The following SHROOM2 variants were observed in gnomAD, a reference collection of about 807,000 sequenced individuals.
SHROOM2 encodes shroom family member 2, also known as protein Shroom2.
Under a neutral mutation model 75.9 loss-of-function variants are expected in SHROOM2, and 33 were observed. The observed-to-expected ratio is 0.43, with a 90% CI of 0.33 to 0.58. SHROOM2 has a LOEUF of 0.58. Ranked by LOEUF, SHROOM2 falls within the 20% of genes least tolerant of loss-of-function variation. The pLI is 0.04. For missense variants in SHROOM2, 1,434 were observed against 1,461.2 expected, an observed-to-expected ratio of 0.98 and a Z score of 0.30; for synonymous variants, 655 against 663.6, an observed-to-expected ratio of 0.99 and a Z score of 0.20.
intron 1 of SHROOM2, among the ~76,000 whole-genome samples, chrX:9,871,428 G>A (rs987779187): frequency 4.5e-5 from 5 of 111,253 alleles, no homozygotes; most frequent in African/African-American, 9.8e-5. Context: ...CCTCCTGGCC[G>A]GCCCCTTGGT....
chrX:9,822,300 G>A, intron 1 of SHROOM2, among the ~76,000 whole-genome samples: 1 of 111,737 alleles, frequency 8.9e-6, no homozygotes, highest in African/African-American at 3.3e-5. Context: ...CAGGTTAGGG[G>A]AAGGGGGGAG....
chrX:9,870,921 C>T (rs1038809216), intron 1 of SHROOM2, among the ~76,000 whole-genome samples: 3 of 111,780 alleles, frequency 2.7e-5, no homozygotes, highest in African/African-American at 9.8e-5. Context: ...TACAAGGAAA[C>T]GAGGAAAAAG....
Position 9,947,028 on chromosome X carries a change from G to A in SHROOM2, c.*91G>A. The A allele has an allele frequency of 2.2e-6, 2 of 915,323 alleles. No homozygotes were observed. The highest frequency in any genetic ancestry group is 2.0e-5 in the African/African-American group (1 of 50,172). The allele number at this position is 915,323 out of a possible 1,213,427, so 75.4% of individuals were successfully genotyped here. ...TCGTGAAGACCCCATCTGTGTTCATGGCCTGGAAAGAGACTTCTCCCATAG... is the reference window on the plus strand; with the variant it reads ...TCGTGAAGACCCCATCTGTGTTCATAGCCTGGAAAGAGACTTCTCCCATAG... On this transcript the variant is annotated 3_prime_UTR_variant, in exon 10 of 10. Coordinates refer to ENST00000380913, the MANE Select transcript of SHROOM2 (RefSeq NM_001649.4).
intron 6 of SHROOM2, among the ~76,000 whole-genome samples, chrX:9,935,241 G>A (rs2084690043): frequency 9.0e-6 from 1 of 111,159 alleles, no homozygotes; most frequent in South Asian, 3.8e-4. Context: ...GGGGGGCGGG[G>A]GTGAAGGGAG....
intron 1 of SHROOM2, among the ~76,000 whole-genome samples, chrX:9,864,863 A>G (rs747705874): frequency 8.2e-4 from 56 of 68,309 alleles, no homozygotes; most frequent in Admixed American, 1.7e-3. Flanking sequence ...TAAATAAAAA[A>G]TTAGCCAGGT....
Position 9,937,449 on chromosome X carries a change from C to T in SHROOM2, c.3903C>T (p.Leu1301=). ...ACCGCTGCACCTCCCCTCCAGGGCT[C>T]AGCTACATGAAGGCCAAAGAGAAGA... ...EKDRCTSPPG[L]SYMKAKEKTV... is the part of the protein sequence containing the mutation. Residue 1301 remains leucine, a synonymous_variant, in exon 7 of 10, where the codon CTC becomes CTT. Coordinates refer to ENST00000380913, the MANE Select transcript of SHROOM2 (RefSeq NM_001649.4). 3 of 1,211,355 alleles carry T rather than the reference C, an allele frequency of 2.5e-6. No homozygotes were observed. The South Asian group carries it at 5.3e-5, about 21-fold the overall frequency.
intron 5 of SHROOM2, among the ~76,000 whole-genome samples, chrX:9,906,455 A>G (rs2084391760): frequency 8.9e-6 from 1 of 112,902 alleles, no homozygotes; most frequent in South Asian, 3.6e-4. Context: ...CTTTAAAAAA[A>G]AATCTCAACA....
chrX:9,859,824 T>A (rs1297254635), intron 1 of SHROOM2, among the ~76,000 whole-genome samples: 3 of 110,866 alleles, frequency 2.7e-5, no homozygotes, highest in African/African-American at 9.9e-5. Flanking sequence ...CCTCCCTCCC[T>A]CCCCCTCACC....
chrX:9,815,919 G>C (rs1235874608), intron 1 of SHROOM2, among the ~76,000 whole-genome samples: 2 of 111,922 alleles, frequency 1.8e-5, no homozygotes, highest in Non-Finnish European at 3.8e-5. Flanking sequence ...CACCCTCACA[G>C]ACACACCCAG....
intron 8 of SHROOM2, among the ~76,000 whole-genome samples, chrX:9,940,432 G>C (rs760170046): frequency 2.1e-4 from 24 of 111,772 alleles, no homozygotes; most frequent in African/African-American, 7.5e-4. Flanking sequence ...ACCTGCTTTG[G>C]GAGGCTGGAG....
chrX:9,891,087 G>A lies in SHROOM2; in HGVS notation c.428G>A (p.Trp143Ter). 1 of 1,206,338 alleles carries A rather than the reference G, an allele frequency of 8.3e-7. No homozygotes were observed. The highest frequency in any genetic ancestry group is 1.1e-6 in the Non-Finnish European group (1 of 892,951). ...ACCTCCACCAGCGGCTGTCCTTCCT[G>A]GTCCGGCCGACACCACGCGAGGTAG... is the stretch of plus-strand genomic sequence containing the variant. ...PFTSTSGCPSWSGRHHASSSS... is the reference protein window; with the variant it reads ...PFTSTSGCPS The change falls in exon 3 of 10, where the codon TGG becomes TAG. Residue 143 changes from tryptophan to a stop codon, truncating the protein, a stop_gained. Transcript: ENST00000380913. LOFTEE classifies it high-confidence loss of function.
chrX:9,848,795 T>C (rs763644770), intron 1 of SHROOM2, among the ~76,000 whole-genome samples: 1 of 111,002 alleles, frequency 9.0e-6, no homozygotes, highest in South Asian at 3.8e-4. Context: ...CTGCCAGGGT[T>C]AGGGGAAGCT....
intron 1 of SHROOM2, among the ~76,000 whole-genome samples, chrX:9,822,733 A>G (rs2083859462): frequency 8.9e-6 from 1 of 111,997 alleles, no homozygotes. Flanking sequence ...GGAATGGCCA[A>G]ATCTGGTGCA....
At chrX:9,876,254 G>A (rs922427326) in intron 2 of SHROOM2, among the ~76,000 whole-genome samples, 3 of 111,698 alleles carry the variant, frequency 2.7e-5, no homozygotes, top group Non-Finnish European at 3.8e-5. Flanking sequence ...TTCAATAACC[G>A]TGTTAGGAAA....
At chrX:9,877,948 T>C (rs1257713012) in intron 2 of SHROOM2, among the ~76,000 whole-genome samples, 1 of 111,398 alleles carries the variant, frequency 9.0e-6, no homozygotes, top group East Asian at 2.8e-4. Flanking sequence ...GGCTGTTGCC[T>C]GTTGCTGTCT....
chrX:9,807,203 C>T (rs1000376822), intron 1 of SHROOM2, among the ~76,000 whole-genome samples: 2 of 112,115 alleles, frequency 1.8e-5, no homozygotes, highest in Non-Finnish European at 3.8e-5. Context: ...TCACAGCCAG[C>T]CCCGTCGCCA....
intron 1 of SHROOM2, among the ~76,000 whole-genome samples, chrX:9,824,045 A>G (rs755180149): frequency 9.0e-6 from 1 of 110,798 alleles, no homozygotes; most frequent in South Asian, 3.8e-4. Flanking sequence ...GAGCCACTGC[A>G]GCGTCCCAAG....
chrX:9,823,736 TTTTTTC>T (rs1489225102), intron 1 of SHROOM2, among the ~76,000 whole-genome samples: 1 of 59,140 alleles, frequency 1.7e-5, no homozygotes, highest in Admixed American at 2.6e-4. Context: ...AAACAACATT[TTTTTTC>T]TTTTTTCTTT....
intron 1 of SHROOM2, among the ~76,000 whole-genome samples, chrX:9,871,299 A>G (rs1044179775): frequency 2.7e-5 from 3 of 112,259 alleles, no homozygotes; most frequent in African/African-American, 9.7e-5. Context: ...AGCACTTAGC[A>G]GTGACCTAGA....
Sources: gnomAD v4.1 joint callset for allele counts (sites outside exome capture counted in the v4.1 genomes callset) on GRCh38, gnomAD v4.1.1 for gene constraint, MANE v1.5 for transcripts, NCBI Gene and HGNC (gene_info 2026-07-23, HGNC 2026-07-21) for gene names.